Variants in PHC1 observed in about 807,000 individuals in gnomAD.
PHC1 encodes polyhomeotic-like protein 1.
In PHC1, 12 loss-of-function variants were observed where a neutral mutation model predicts 104.3. The observed-to-expected ratio is 0.12, with a 90% confidence interval of 0.07 to 0.19. PHC1 has a LOEUF of 0.19. Ranked by LOEUF, PHC1 falls within the 10% of genes least tolerant of loss-of-function variation. PHC1 has a pLI of 1.00. For synonymous variants in PHC1, 302 were observed against 455.8 expected (o/e 0.66, Z 4.30); for missense variants, 671 against 1,200.0 (o/e 0.56, Z 6.51).
rs377088601 is a variant in PHC1 at position 8,933,954 on chromosome 12, C to G, written c.1983C>G (p.Ala661=). 1 of 1,613,400 alleles carries G rather than the reference C, an allele frequency of 6.2e-7. No homozygotes were observed. Residue 661 remains alanine, a synonymous_variant, in exon 9 of 15, where the codon GCC becomes GCG. Coordinates refer to ENST00000544916, the MANE Select transcript of PHC1 (RefSeq NM_004426.3). ...CCACATTGGGTTCAATGCTTCCTGC[C>G]AAGGCATCTCCAGTAGCAGAAAGCC... The part of the protein sequence containing the change: ...DVSTLGSMLP[A]KASPVAESPK...
intron 1 of PHC1, among the ~76,000 whole-genome samples, chr12:8,917,120 G>A (rs1945225567): frequency 6.6e-6 from 1 of 152,208 alleles, no homozygotes; most frequent in Non-Finnish European, 1.5e-5. Context: ...TGTAGAATGA[G>A]GATAACAGTG....
At chr12:8,916,509 C>CTCATTTAAAACTCAT (rs1945204663) in intron 1 of PHC1, among the ~76,000 whole-genome samples, 1 of 149,948 alleles carries the variant, frequency 6.7e-6, no homozygotes, top group Non-Finnish European at 1.5e-5. Flanking sequence ...AAGAGAAAAA[C>CTCATTTAAAACTCAT]AAAAAAAAAG....
chr12:8,923,843 AAAAG>A (rs1945437204), intron 6 of PHC1, among the ~76,000 whole-genome samples: 2 of 151,646 alleles, frequency 1.3e-5, no homozygotes, highest in African/African-American at 4.8e-5. Context: ...AAAAAAAAAA[AAAAG>A]AAAATATTTG....
At chr12:8,920,027 T>C (rs1945316113) in intron 3 of PHC1, 161 bp downstream of exon 3, 18 of 1,152,064 alleles carry the variant, frequency 1.6e-5, no homozygotes, top group Non-Finnish European at 2.1e-5. Context: ...TCTTAGCTTC[T>C]GGGGTTGCAG....
intron 6 of PHC1, among the ~76,000 whole-genome samples, chr12:8,927,857 CTT>C (rs1491019943): frequency 3.4e-5 from 1 of 29,432 alleles, no homozygotes; most frequent in Non-Finnish European, 6.9e-5. Context: ...TACTAGTTTT[CTT>C]TCTTTCTTTC....
intron 4 of PHC1, 31 bp downstream of exon 4, chr12:8,921,096 C>T (rs1592190391): frequency 6.6e-7 from 1 of 1,518,330 alleles, no homozygotes; most frequent in East Asian, 2.3e-5. Context: ...TGAGAGGCTT[C>T]TCTACCTGGG....
In PHC1 at chr12:8,938,345, TC is replaced by T. The variant is rs762042405; in HGVS notation, c.2860+288del. Among the ~76,000 whole-genome samples, 20 of 152,228 alleles carry T rather than the reference TC, an allele frequency of 1.3e-4. No individual in the cohort carries two copies. The South Asian group carries it at 3.9e-3, about 30-fold the overall frequency. On this transcript the variant is annotated intron_variant, in intron 14 of 14. Coordinates refer to ENST00000544916, the MANE Select transcript of PHC1 (RefSeq NM_004426.3). ...TTTTTGTGTAATTAACTATGATACCTCCCATGGGGAAAAAATTTTTTTTTTC... is the reference window on the plus strand; with the variant it reads ...TTTTTGTGTAATTAACTATGATACCTCCATGGGGAAAAAATTTTTTTTTTC...
In PHC1 at chr12:8,941,256, C is replaced by A. The variant is rs1339999201; in HGVS notation, c.*1797C>A. The A allele has an allele frequency of 4.4e-6, 1 of 226,394 alleles. No homozygotes were observed. The highest frequency in any genetic ancestry group is 2.4e-5 in the African/African-American group (1 of 42,434). The allele number at this position is 226,394 out of a possible 1,614,324, so 14.0% of individuals were successfully genotyped here. A position where few individuals can be genotyped will look rare whatever the true frequency, so the allele number is the denominator to read the frequency against. On this transcript the variant is annotated 3_prime_UTR_variant, in exon 15 of 15. Coordinates refer to ENST00000544916, the MANE Select transcript of PHC1 (RefSeq NM_004426.3). ...GTCCTAATCTCAGAGGTGGGAGAAG[C>A]AAGTCTAGAACATCTCCAGGCTCAG... is the stretch of plus-strand genomic sequence containing the variant.
At chr12:8,923,625 G>A (rs1477012115) in intron 6 of PHC1, among the ~76,000 whole-genome samples, 3 of 151,884 alleles carry the variant, frequency 2.0e-5, no homozygotes, top group Non-Finnish European at 2.9e-5. Flanking sequence ...TCAGGAGATC[G>A]AGACCATCCT....
chr12:8,913,964 C>T (rs1244122233), upstream of PHC1: 20 of 152,446 alleles, frequency 1.3e-4, no homozygotes, highest in Admixed American at 1.3e-3. Context: ...AGGGATTAAA[C>T]AATCAACCTT....
chr12:8,915,144 G>C (rs1025567598), intron 1 of PHC1: 2 of 152,458 alleles, frequency 1.3e-5, no homozygotes, highest in African/African-American at 4.8e-5. Flanking sequence ...CCCTGCTTTC[G>C]TGGTCCGCTG....
chr12:8,936,011 G>A (rs1040727932), intron 11 of PHC1, among the ~76,000 whole-genome samples: 4 of 152,146 alleles, frequency 2.6e-5, no homozygotes, highest in African/African-American at 9.6e-5. Context: ...TGATCCGCCC[G>A]CCTTGGCCTC....
intron 6 of PHC1, among the ~76,000 whole-genome samples, chr12:8,928,925 A>G (rs925829628): frequency 6.6e-6 from 1 of 152,100 alleles, no homozygotes; most frequent in Non-Finnish European, 1.5e-5. Flanking sequence ...TAGTTTATTC[A>G]TCTTCTCTTC....
In PHC1 at chr12:8,933,223, T is replaced by G. The variant is rs1485059982; in HGVS notation, c.1766T>G (p.Leu589Trp). Residue 589 changes from leucine (L) to tryptophan (W), a missense_variant, in exon 8 of 15, where the codon TTG (leucine) becomes TGG (tryptophan). By Grantham distance (61) the Leu-to-Trp change is moderately conservative. Transcript: ENST00000544916. Reference sequence around the variant, plus strand: ...GCACTGCAGGAGTGCCCTCCCACATTGGCCCCTGGGATGACCCTTGCTCCT... The same window carrying G: ...GCACTGCAGGAGTGCCCTCCCACATGGGCCCCTGGGATGACCCTTGCTCCT... Reference protein sequence around the residue: ...PGALQECPPTLAPGMTLAPVQ... With the variant: ...PGALQECPPTWAPGMTLAPVQ... 6.7e-7 allele frequency: 1 copy of G among 1,490,448 alleles called. No homozygotes were observed. The highest frequency in any genetic ancestry group is 1.4e-5 in the African/African-American group (1 of 69,918). The allele number at this position is 1,490,448 out of a possible 1,614,324, so 92.3% of individuals were successfully genotyped here.
intron 5 of PHC1, 65 bp from the exon 6 acceptor site, chr12:8,922,568 T>A: frequency 7.1e-7 from 1 of 1,402,978 alleles, no homozygotes; most frequent in Non-Finnish European, 9.8e-7. Flanking sequence ...GTCCTTCCTT[T>A]CCATCTCTTC....
At chr12:8,939,226 A>G in intron 14 of PHC1, 79 bp from the exon 15 acceptor site, 1 of 1,533,092 alleles carries the variant, frequency 6.5e-7, no homozygotes, top group Non-Finnish European at 8.9e-7. Flanking sequence ...GGAATTAATC[A>G]TTGCTAGACC....
At chr12:8,931,207 C>G (rs1945673964) in intron 7 of PHC1, among the ~76,000 whole-genome samples, 1 of 152,182 alleles carries the variant, frequency 6.6e-6, no homozygotes, top group East Asian at 1.9e-4. Flanking sequence ...AGTTTTATCA[C>G]TCTGTCTATT....
At position 8,935,130 on chromosome 12, in the gene PHC1, T is replaced by G; in HGVS notation, c.2260T>G (p.Cys754Gly). The change falls in exon 11 of 15, where the codon TGT becomes GGT. Residue 754 changes from cysteine to glycine, a missense_variant. Coordinates refer to ENST00000544916, the MANE Select transcript of PHC1 (RefSeq NM_004426.3). ...TCAATGTTTTCTGGGACAGGTGGGT[T>G]GTTCTCAGTTACTGAAGGAGTCTGA... ...QEGAEPFPVG[C>G]SQLLKESEKP... The G allele has an allele frequency of 6.4e-7, 1 of 1,554,330 alleles. No individual in the cohort carries two copies. Among genetic ancestry groups the G allele is most frequent in the Non-Finnish European group, 8.8e-7 (1 of 1,135,960 alleles).
intron 11 of PHC1, among the ~76,000 whole-genome samples, chr12:8,935,661 A>G (rs1170367505): frequency 6.6e-6 from 1 of 152,218 alleles, no homozygotes; most frequent in Non-Finnish European, 1.5e-5. Context: ...GTCTGTCTAC[A>G]TATAGAAACC....
Sources: gnomAD v4.1 joint callset for allele counts (sites outside exome capture counted in the v4.1 genomes callset) on GRCh38, gnomAD v4.1.1 for gene constraint, MANE v1.5 for transcripts, NCBI Gene and HGNC (gene_info 2026-07-23, HGNC 2026-07-21) for gene names.